EPHA6: variants seen among roughly 807,000 people sequenced by gnomAD.
EPHA6 encodes ephrin type-A receptor 6.
Under a neutral mutation model 112.0 loss-of-function variants are expected in EPHA6, and 50 were observed. The observed-to-expected ratio is 0.45, with a 90% CI of 0.36 to 0.56. The LOEUF (loss-of-function observed/expected upper bound fraction) is 0.56, where lower values mean the gene tolerates loss of function less well. EPHA6 is among the 20% of genes least tolerant of loss of function. The pLI is 0.00. For synonymous variants in EPHA6, 529 were observed against 490.7 expected (o/e 1.08, Z -1.03); for missense variants, 1,280 against 1,417.4 (o/e 0.90, Z 1.56).
chr3:97,450,844 T>C (rs999648933), intron 7 of EPHA6, among the ~76,000 whole-genome samples: 1 of 151,978 alleles, frequency 6.6e-6, no homozygotes, highest in African/African-American at 2.4e-5. Flanking sequence ...ATAAAAAGTT[T>C]AAATCAAAAA....
At chr3:97,400,641 C>G in intron 5 of EPHA6, among the ~76,000 whole-genome samples, 1 of 151,426 alleles carries the variant, frequency 6.6e-6, no homozygotes, top group African/African-American at 2.4e-5. Flanking sequence ...TTTTTCATCT[C>G]CTTGGTTAAA....
chr3:97,543,799 GA>G (rs2092904700), intron 11 of EPHA6, among the ~76,000 whole-genome samples: 1 of 152,006 alleles, frequency 6.6e-6, no homozygotes, highest in East Asian at 1.9e-4. Context: ...TCTCCTTGAA[GA>G]GGTCCTTCAC....
At chr3:97,093,296 C>T (rs531878034) in intron 3 of EPHA6, among the ~76,000 whole-genome samples, 1 of 152,244 alleles carries the variant, frequency 6.6e-6, no homozygotes, top group African/African-American at 2.4e-5. Flanking sequence ...CTCCTGTAAT[C>T]CCAGCATCTT....
chr3:97,605,449 A>T (rs546097970), intron 12 of EPHA6, among the ~76,000 whole-genome samples: 2 of 151,880 alleles, frequency 1.3e-5, no homozygotes, highest in South Asian at 2.1e-4. Context: ...GTAGGAGTCC[A>T]GTTTCATTCT....
intron 13 of EPHA6, among the ~76,000 whole-genome samples, chr3:97,627,980 A>T (rs1471209844): frequency 6.6e-6 from 1 of 151,994 alleles, no homozygotes; most frequent in Admixed American, 6.6e-5. Context: ...CTAGTAGGCC[A>T]TTATAATGAC....
At chr3:97,376,202 A>G (rs1422161473) in intron 5 of EPHA6, among the ~76,000 whole-genome samples, 2 of 152,220 alleles carry the variant, frequency 1.3e-5, no homozygotes, top group African/African-American at 4.8e-5. Context: ...AGAAACACTA[A>G]ATTTTAATAA....
At chr3:96,963,189 A>G (rs1559626569) in intron 2 of EPHA6, among the ~76,000 whole-genome samples, 1 of 151,754 alleles carries the variant, frequency 6.6e-6, no homozygotes, top group Non-Finnish European at 1.5e-5. Context: ...GAGGGGCACT[A>G]AAGAGAGCAC....
At chr3:97,394,188 A>G (rs150136826) in intron 5 of EPHA6, among the ~76,000 whole-genome samples, 43 of 151,930 alleles carry the variant, frequency 2.8e-4, no homozygotes, top group Non-Finnish European at 4.9e-4. Context: ...TCTTCAATAT[A>G]TGACATTGCT....
At chr3:96,906,245 CTT>C (rs1193907468) in intron 2 of EPHA6, among the ~76,000 whole-genome samples, 1 of 151,988 alleles carries the variant, frequency 6.6e-6, no homozygotes, top group East Asian at 1.9e-4. Context: ...CTCTCTGTCT[CTT>C]TGTTTTTACT....
chr3:97,688,355 C>T (rs949830938), intron 14 of EPHA6, among the ~76,000 whole-genome samples: 2 of 151,990 alleles, frequency 1.3e-5, no homozygotes, highest in African/African-American at 4.8e-5. Flanking sequence ...TATAAAACTA[C>T]CCAGTAATAT....
rs2078904499 is a variant in EPHA6 at position 97,243,472 on chromosome 3, T to C, written c.1271-480T>C. 2.0e-5 allele frequency among the ~76,000 whole-genome samples: 3 copies of C among 151,922 alleles called. No homozygotes were observed. In the South Asian group the frequency reaches 6.2e-4, roughly 31 times the overall value. On this transcript the variant is annotated intron_variant, in intron 4 of 17. Transcript: ENST00000389672. ...CCTTTGGGAAACAGATTTTTAGTGA[T>C]TTTCGGAGGTGATGAATGGGGATTT...
chr3:96,883,009 T>C (rs963061125), intron 2 of EPHA6, among the ~76,000 whole-genome samples: 1 of 152,160 alleles, frequency 6.6e-6, no homozygotes, highest in Non-Finnish European at 1.5e-5. Context: ...CCACACTGTT[T>C]TCCATAGCAA....
chr3:97,230,827 A>G (rs746563700), intron 4 of EPHA6, among the ~76,000 whole-genome samples: 1 of 152,152 alleles, frequency 6.6e-6, no homozygotes, highest in Non-Finnish European at 1.5e-5. Context: ...GTAAAATCAC[A>G]GTAAACCAGG....
At chr3:97,220,547 G>C (rs2078164490) in intron 3 of EPHA6, among the ~76,000 whole-genome samples, 1 of 152,118 alleles carries the variant, frequency 6.6e-6, no homozygotes, top group African/African-American at 2.4e-5. Flanking sequence ...GGGAAGCAAG[G>C]GACCTTCTTC....
chr3:96,925,762 T>C (rs1399890251), intron 2 of EPHA6, among the ~76,000 whole-genome samples: 1 of 152,030 alleles, frequency 6.6e-6, no homozygotes, highest in Non-Finnish European at 1.5e-5. Context: ...CCTGCCACCA[T>C]GCCTGGCTAA....
At chr3:97,041,554 A>T (rs1032560535) in intron 3 of EPHA6, among the ~76,000 whole-genome samples, 1 of 152,086 alleles carries the variant, frequency 6.6e-6, no homozygotes, top group Non-Finnish European at 1.5e-5. Flanking sequence ...CTGTATTTCA[A>T]TCCAGATGTT....
At position 97,655,978 on chromosome 3, in the gene EPHA6, T is replaced by C. The variant is rs372386629; in HGVS notation, c.2784+17896T>C. Among the ~76,000 whole-genome samples the C allele has an allele frequency of 7.2e-5, 11 of 151,882 alleles. No homozygotes were observed. The East Asian group carries it at 1.9e-3, about 27-fold the overall frequency. ...AAATGCAAACACACCTCAAAATGTTTTTTTTTTATTTTTCTTACCAGTCTT... is the reference window on the plus strand; with the variant it reads ...AAATGCAAACACACCTCAAAATGTTCTTTTTTTATTTTTCTTACCAGTCTT... On this transcript the variant is annotated intron_variant, in intron 14 of 17. Coordinates refer to ENST00000389672, the MANE Select transcript of EPHA6 (RefSeq NM_001080448.3).
intron 3 of EPHA6, among the ~76,000 whole-genome samples, chr3:97,057,222 A>G (rs62263744): frequency 0.19 from 29,309 of 152,206 alleles, 3,028 homozygotes; most frequent in Non-Finnish European, 0.22. Flanking sequence ...CCCTATAAAT[A>G]TCAATATTTA....
chr3:97,477,448 A>G (rs1405374421), intron 8 of EPHA6, among the ~76,000 whole-genome samples: 1 of 134,424 alleles, frequency 7.4e-6, no homozygotes, highest in Non-Finnish European at 1.6e-5. Flanking sequence ...AAGGGAAGGG[A>G]AGGGGAGGGG....
Sources: allele counts gnomAD v4.1 joint callset (sites outside exome capture counted in the v4.1 genomes callset), GRCh38; gene constraint gnomAD v4.1.1; transcripts MANE v1.5; gene names NCBI Gene and HGNC (gene_info 2026-07-23, HGNC 2026-07-21).